Variants in TMOD3 observed in about 807,000 individuals in gnomAD.
TMOD3 encodes the protein tropomodulin-3.
Under a neutral mutation model 39.2 loss-of-function variants are expected in TMOD3, and 20 were observed. The observed-to-expected ratio is 0.51, with a 90% CI of 0.36 to 0.74. TMOD3 has a LOEUF of 0.74. TMOD3 is among the 30% of genes least tolerant of loss of function. The probability of loss-of-function intolerance (pLI) is 0.00; values close to 1 mark genes in which losing one functional copy is unlikely to be tolerated. For synonymous variants in TMOD3, 143 were observed against 145.8 expected (o/e 0.98, Z 0.14); for missense variants, 381 against 412.8 (o/e 0.92, Z 0.67).
At chr15:51,902,924 T>A (rs2056660053) in intron 9 of TMOD3, among the ~76,000 whole-genome samples, 1 of 152,074 alleles carries the variant, frequency 6.6e-6, no homozygotes, top group Non-Finnish European at 1.5e-5. Context: ...GTGCTGGGAT[T>A]ACAAGCGTGA....
At chr15:51,872,170 G>A (rs376459972) in intron 3 of TMOD3, among the ~76,000 whole-genome samples, 41 of 152,230 alleles carry the variant, frequency 2.7e-4, no homozygotes, top group African/African-American at 9.1e-4. Context: ...CGAGGCAGGC[G>A]GATCTCTTGA....
intron 3 of TMOD3, among the ~76,000 whole-genome samples, chr15:51,879,743 G>T (rs911058066): frequency 2.6e-4 from 39 of 151,914 alleles, no homozygotes; most frequent in Admixed American, 2.0e-4. Flanking sequence ...TGACTAACCA[G>T]TCTTCATTTT....
At chr15:51,877,446 G>A (rs1043150184) in intron 3 of TMOD3, among the ~76,000 whole-genome samples, 1 of 152,106 alleles carries the variant, frequency 6.6e-6, no homozygotes, top group Non-Finnish European at 1.5e-5. Context: ...TTGGGAGGCC[G>A]AGGCAGGTGG....
chr15:51,861,697 A>G (rs2056419874), intron 1 of TMOD3, among the ~76,000 whole-genome samples: 1 of 145,108 alleles, frequency 6.9e-6, no homozygotes, highest in Non-Finnish European at 1.5e-5. Flanking sequence ...TTGCTATGTC[A>G]CCCAGGCTAG....
chr15:51,896,334 CAA>C, intron 6 of TMOD3, 83 bp from the exon 7 acceptor site: 1 of 955,626 alleles, frequency 1.0e-6, no homozygotes, highest in Non-Finnish European at 1.6e-6. Context: ...CATTTTAAAG[CAA>C]AAAAAACCAT....
At chr15:51,867,688 G>C (rs1267704876) in intron 2 of TMOD3, among the ~76,000 whole-genome samples, 2 of 152,184 alleles carry the variant, frequency 1.3e-5, no homozygotes, top group East Asian at 3.8e-4. Context: ...CCAATATTGG[G>C]AGGTTTTGCA....
At chr15:51,836,738 A>G (rs201514924) in intron 1 of TMOD3, among the ~76,000 whole-genome samples, 977 of 44,490 alleles carry the variant, frequency 0.022, 13 homozygotes, top group African/African-American at 0.073. Context: ...AAAAAAAAAG[A>G]AAAAAGAAAA....
At chr15:51,863,158 T>C (rs1019271713) in intron 2 of TMOD3, 148 bp downstream of exon 2, 9 of 710,950 alleles carry the variant, frequency 1.3e-5, no homozygotes, top group Non-Finnish European at 1.6e-5. Context: ...TGGCTCTCTC[T>C]CCAGTTCCCC....
intron 1 of TMOD3, among the ~76,000 whole-genome samples, chr15:51,837,214 A>T (rs1489931937): frequency 4.6e-5 from 7 of 152,152 alleles, no homozygotes; most frequent in African/African-American, 1.7e-4. Context: ...AGCCAACAAA[A>T]TATTTTCATT....
chr15:51,843,472 T>A (rs2056321946), intron 1 of TMOD3, among the ~76,000 whole-genome samples: 1 of 152,170 alleles, frequency 6.6e-6, no homozygotes, highest in Non-Finnish European at 1.5e-5. Flanking sequence ...AGTAAAATGT[T>A]AAAAGCAGTG....
chr15:51,874,629 AT>A (rs1203057594), intron 3 of TMOD3, among the ~76,000 whole-genome samples: 2 of 152,210 alleles, frequency 1.3e-5, no homozygotes, highest in African/African-American at 2.4e-5. Flanking sequence ...CTTGTCATGA[AT>A]TTATCACTTG....
chr15:51,839,256 G>A lies in TMOD3; in HGVS notation c.-75+9420G>A, dbSNP rs574488204. Among the ~76,000 whole-genome samples the A allele has an allele frequency of 1.7e-4, 24 of 144,534 alleles. No homozygotes were observed. The South Asian group carries it at 4.9e-3, about 30-fold the overall frequency. 94.8% of individuals were successfully genotyped at this position (144,534 alleles called of 152,430 possible). A position where few individuals can be genotyped will look rare whatever the true frequency, so the allele number is the denominator to read the frequency against. On this transcript the variant is annotated intron_variant, in intron 1 of 9. Coordinates refer to ENST00000308580, the MANE Select transcript of TMOD3 (RefSeq NM_014547.5). ...GTGATCATAGGTCCCTGCAACCTCC[G>A]CCTCCCAGGCTCAAGCAATCCTCCC... is the stretch of plus-strand genomic sequence containing the variant.
At chr15:51,905,105 G>A (rs1484739229) in intron 9 of TMOD3, among the ~76,000 whole-genome samples, 1 of 152,242 alleles carries the variant, frequency 6.6e-6, no homozygotes, top group Admixed American at 6.5e-5. Context: ...GCTGATGGCA[G>A]CCTGTGGATT....
At chr15:51,870,708 G>C (rs964943548) in intron 3 of TMOD3, among the ~76,000 whole-genome samples, 1 of 152,138 alleles carries the variant, frequency 6.6e-6, no homozygotes, top group African/African-American at 2.4e-5. Context: ...TTTTTCTTTA[G>C]AGTCCTCTTC....
Position 51,908,712 on chromosome 15 carries a change from A to G in TMOD3, c.1025-64A>G, listed in dbSNP as rs925391614. The G allele has an allele frequency of 1.9e-5, 27 of 1,387,274 alleles. No homozygotes were observed. The Admixed American group carries it at 5.7e-4, about 30-fold the overall frequency. 85.9% of individuals were successfully genotyped at this position (1,387,274 alleles called of 1,614,324 possible). On this transcript the variant is annotated intron_variant, in intron 9 of 9. Coordinates refer to ENST00000308580, the MANE Select transcript of TMOD3 (RefSeq NM_014547.5). ...ATTATGCAGAAACTTGCTTGTTATA[A>G]GCAAGTTACCATTGTAAAAACTAAT...
intron 1 of TMOD3, chr15:51,859,404 C>G: frequency 1.5e-6 from 1 of 681,340 alleles, no homozygotes. Context: ...TGTTCACCAT[C>G]TTGCAGGATT....
At chr15:51,844,883 C>T (rs568825899) in intron 1 of TMOD3, among the ~76,000 whole-genome samples, 9 of 151,912 alleles carry the variant, frequency 5.9e-5, no homozygotes, top group Admixed American at 5.9e-4. Flanking sequence ...CTTTTTTTTC[C>T]CCTCTACTAC....
At chr15:51,865,107 C>T (rs546088770) in intron 2 of TMOD3, among the ~76,000 whole-genome samples, 15 of 152,280 alleles carry the variant, frequency 9.9e-5, no homozygotes, top group African/African-American at 3.4e-4. Context: ...CCACCTCAGC[C>T]TCCTATGTAG....
chr15:51,891,086 C>A (rs539181622), intron 5 of TMOD3, among the ~76,000 whole-genome samples: 1 of 152,130 alleles, frequency 6.6e-6, no homozygotes, highest in East Asian at 1.9e-4. Context: ...ACGGTATTTT[C>A]TTCATATCAT....
Sources: gnomAD v4.1 joint callset for allele counts (sites outside exome capture counted in the v4.1 genomes callset) on GRCh38, gnomAD v4.1.1 for gene constraint, MANE v1.5 for transcripts, NCBI Gene and HGNC (gene_info 2026-07-23, HGNC 2026-07-21) for gene names.